NUDT3: variants seen among roughly 807,000 people sequenced by gnomAD.
The protein encoded by NUDT3 is diphosphoinositol polyphosphate phosphohydrolase 1.
In NUDT3, 9 loss-of-function variants were observed where a neutral mutation model predicts 23.6. That is an observed-to-expected ratio of 0.38 (90% CI 0.23 to 0.66). NUDT3 has a LOEUF of 0.66. Ranked by LOEUF, NUDT3 falls within the 30% of genes least tolerant of loss-of-function variation. NUDT3 has a pLI of 0.52. For synonymous variants in NUDT3, 86 were observed against 82.6 expected (o/e 1.04, Z -0.22); for missense variants, 172 against 218.5 (o/e 0.79, Z 1.34).
In NUDT3 at chr6:34,284,285, G is replaced by A. The variant is rs577375195; in HGVS notation, c.*4468C>T. The A allele has an allele frequency of 6.6e-6, 1 of 152,144 alleles. No homozygotes were observed. The highest frequency in any genetic ancestry group is 1.5e-5 in the Non-Finnish European group (1 of 68,044). 9.4% of individuals were successfully genotyped at this position (152,144 alleles called of 1,614,324 possible). Reference sequence around the variant, plus strand: ...AGTGTCCTGTGTTTTGTAAAGATGAGGGTTATTTTCTGAAATGCAGATGGG... The same window carrying A: ...AGTGTCCTGTGTTTTGTAAAGATGAAGGTTATTTTCTGAAATGCAGATGGG... On this transcript the variant is annotated 3_prime_UTR_variant, in exon 5 of 5. Coordinates refer to ENST00000607016, the MANE Select transcript of NUDT3 (RefSeq NM_006703.4).
At chr6:34,347,067 C>G (rs1037287763) in intron 1 of NUDT3, among the ~76,000 whole-genome samples, 4 of 152,162 alleles carry the variant, frequency 2.6e-5, no homozygotes, top group African/African-American at 7.2e-5. Flanking sequence ...CTGTGCCCAC[C>G]CACAAAAATT....
chr6:34,359,358 A>G (rs1764613356), intron 1 of NUDT3, among the ~76,000 whole-genome samples: 1 of 152,144 alleles, frequency 6.6e-6, no homozygotes, highest in African/African-American at 2.4e-5. Flanking sequence ...GGGGGACAAG[A>G]GCAAGACTGC....
At chr6:34,335,474 G>T (rs574211042) in intron 2 of NUDT3, among the ~76,000 whole-genome samples, 1 of 151,890 alleles carries the variant, frequency 6.6e-6, no homozygotes, top group South Asian at 2.1e-4. Flanking sequence ...TATTACCACA[G>T]AAGTATTTTT....
rs184972912 is a variant in NUDT3, at chr6:34,308,469, A to G, written c.211-12784T>C. ...GCGTGAGATCGTCTCTCAAAAAAAA[A>G]AAAAAAAAATACTGAGACTGTCAGA... On this transcript the variant is annotated intron_variant, in intron 2 of 4. Coordinates refer to ENST00000607016, the MANE Select transcript of NUDT3 (RefSeq NM_006703.4). 6.2e-3 allele frequency among the ~76,000 whole-genome samples: 937 copies of G among 152,066 alleles called. 6 individuals are homozygous for G. Among genetic ancestry groups the G allele is most frequent in the Non-Finnish European group, 0.011 (721 of 67,974 alleles).
chr6:34,380,724 T>C (rs902757924), intron 1 of NUDT3, among the ~76,000 whole-genome samples: 2 of 152,116 alleles, frequency 1.3e-5, no homozygotes, highest in African/African-American at 4.8e-5. Flanking sequence ...GCCTCTTACT[T>C]TCTCTCTTTC....
intron 2 of NUDT3, among the ~76,000 whole-genome samples, chr6:34,334,222 G>C (rs1439284456): frequency 2.0e-5 from 3 of 152,192 alleles, no homozygotes; most frequent in Non-Finnish European, 2.9e-5. Context: ...GTCTATTTCT[G>C]ACAACCTAAA....
intron 2 of NUDT3, among the ~76,000 whole-genome samples, chr6:34,312,549 A>G (rs1340363946): frequency 6.6e-6 from 1 of 152,210 alleles, no homozygotes; most frequent in African/African-American, 2.4e-5. Flanking sequence ...AAAACTATAC[A>G]TACCATTACC....
At chr6:34,389,191 T>C (rs1040943860) in intron 1 of NUDT3, among the ~76,000 whole-genome samples, 2 of 152,164 alleles carry the variant, frequency 1.3e-5, no homozygotes, top group East Asian at 1.9e-4. Context: ...CTCCCATGTG[T>C]TGAGTGAGGG....
intron 2 of NUDT3, among the ~76,000 whole-genome samples, chr6:34,306,931 T>C (rs1763689792): frequency 6.6e-6 from 1 of 152,228 alleles, no homozygotes; most frequent in Non-Finnish European, 1.5e-5. Flanking sequence ...AAGGAGCAAT[T>C]CTTTTTTAAA....
rs1490417121 is a variant in NUDT3, at chr6:34,282,446, G to GC, written c.*6306dup. On this transcript the variant is annotated 3_prime_UTR_variant, in exon 5 of 5. Coordinates refer to ENST00000607016, the MANE Select transcript of NUDT3 (RefSeq NM_006703.4). Reference sequence around the variant, plus strand: ...CTTATGGCCCAGCATTGGCATTGAGGCATCTTGCTTTTTTTCCTCAGAATT... The same window carrying GC: ...CTTATGGCCCAGCATTGGCATTGAGGCCATCTTGCTTTTTTTCCTCAGAATT... 9 of 152,136 alleles carry GC rather than the reference G, an allele frequency of 5.9e-5. No individual in the cohort carries two copies. Among genetic ancestry groups the GC allele is most frequent in the Non-Finnish European group, 1.3e-4 (9 of 68,036 alleles). The allele number at this position is 152,136 out of a possible 1,614,324, so 9.4% of individuals were successfully genotyped here. A position where few individuals can be genotyped will look rare whatever the true frequency, so the allele number is the denominator to read the frequency against.
chr6:34,349,045 A>G (rs1561914454), intron 1 of NUDT3, among the ~76,000 whole-genome samples: 1 of 151,874 alleles, frequency 6.6e-6, no homozygotes, highest in Non-Finnish European at 1.5e-5. Context: ...ATATTTATTA[A>G]CCACCAAGCC....
rs201568713 is a variant in NUDT3, at chr6:34,288,709, C to T, written c.*44G>A. 139 of 1,568,016 alleles carry T rather than the reference C, an allele frequency of 8.9e-5. No homozygotes were observed. The East Asian group carries it at 3.1e-3, about 35-fold the overall frequency. ...AGGGTGAGAGGGAAGATTTGCACTT[C>T]AGTCTAGTTTCCAATTTCCATTTCT... On this transcript the variant is annotated 3_prime_UTR_variant, in exon 5 of 5. Transcript: ENST00000607016.
At chr6:34,350,348 T>C (rs1156537762) in intron 1 of NUDT3, among the ~76,000 whole-genome samples, 1 of 150,718 alleles carries the variant, frequency 6.6e-6, no homozygotes, top group Non-Finnish European at 1.5e-5. Flanking sequence ...CCTATCAAAT[T>C]TGTGATATGC....
intron 1 of NUDT3, among the ~76,000 whole-genome samples, chr6:34,375,157 A>G (rs1332655836): frequency 6.6e-6 from 1 of 152,086 alleles, no homozygotes; most frequent in African/African-American, 2.4e-5. Flanking sequence ...AGCCTGACCA[A>G]CACGGTGAAA....
At chr6:34,383,126 C>CAAAAAAAAAAAAAAAAAAAAAAAAAA (rs557348971) in intron 1 of NUDT3, among the ~76,000 whole-genome samples, 1 of 65,036 alleles carries the variant, frequency 1.5e-5, no homozygotes, top group African/African-American at 5.6e-5. Context: ...GACTCCATCT[C>CAAAAAAAAAAAAAAAAAAAAAAAAAA]AAAAAAAAAA....
Position 34,334,035 on chromosome 6 carries a change from T to C in NUDT3, c.210+7827A>G, listed in dbSNP as rs750808319. Reference sequence around the variant, plus strand: ...GCAGTGGAAGAGGGGGGCTGAGCCATTGGCGCGTGACCAGGCTCCTTGAGC... The same window carrying C: ...GCAGTGGAAGAGGGGGGCTGAGCCACTGGCGCGTGACCAGGCTCCTTGAGC... On this transcript the variant is annotated intron_variant, in intron 2 of 4. Coordinates refer to ENST00000607016, the MANE Select transcript of NUDT3 (RefSeq NM_006703.4). Among the ~76,000 whole-genome samples, 12 of 152,164 alleles carry C rather than the reference T, an allele frequency of 7.9e-5. No homozygotes were observed. In the South Asian group the frequency reaches 1.7e-3, roughly 21 times the overall value.
At position 34,283,751 on chromosome 6, in the gene NUDT3, G is replaced by A. The variant is rs1365445078; in HGVS notation, c.*5002C>T. The stretch of plus-strand genomic sequence containing the variant: ...TATGCCTAAACTCTCTGGGCTCCCA[G>A]GACCTGTGGTGACCTCAAGCTAACC... On this transcript the variant is annotated 3_prime_UTR_variant, in exon 5 of 5. Coordinates refer to ENST00000607016, the MANE Select transcript of NUDT3 (RefSeq NM_006703.4). 1 of 152,218 alleles carries A rather than the reference G, an allele frequency of 6.6e-6. No homozygotes were observed. The highest frequency in any genetic ancestry group is 1.5e-5 in the Non-Finnish European group (1 of 68,032). 9.4% of individuals were successfully genotyped at this position (152,218 alleles called of 1,614,324 possible).
chr6:34,367,818 T>C (rs1764761224), intron 1 of NUDT3, among the ~76,000 whole-genome samples: 1 of 152,132 alleles, frequency 6.6e-6, no homozygotes, highest in African/African-American at 2.4e-5. Flanking sequence ...GAAGAAAAGA[T>C]GGAGAAAGAA....
rs1345533467 is a variant in NUDT3 at position 34,344,231 on chromosome 6, C to T, written c.100-2259G>A. Among the ~76,000 whole-genome samples the T allele has an allele frequency of 2.6e-5, 4 of 152,142 alleles. No homozygotes were observed. The East Asian group carries it at 5.8e-4, about 22-fold the overall frequency. On this transcript the variant is annotated intron_variant, in intron 1 of 4. Coordinates refer to ENST00000607016, the MANE Select transcript of NUDT3 (RefSeq NM_006703.4). ...AACTAAAAACAGGTACTCAAACAGA[C>T]ACTTCCATACAAATGTTTATAGCAG... is the stretch of plus-strand genomic sequence containing the variant.
Sources: allele counts gnomAD v4.1 joint callset (sites outside exome capture counted in the v4.1 genomes callset), GRCh38; gene constraint gnomAD v4.1.1; transcripts MANE v1.5; gene names NCBI Gene and HGNC (gene_info 2026-07-23, HGNC 2026-07-21).